MAP2K4: variants seen among roughly 807,000 people sequenced by gnomAD.
The protein encoded by MAP2K4 is mitogen-activated protein kinase kinase 4.
In MAP2K4, 4 loss-of-function variants were observed where a neutral mutation model predicts 48.5. That is an observed-to-expected ratio of 0.08 (90% CI 0.04 to 0.19). MAP2K4 has a LOEUF of 0.19. Among genes scored for constraint, MAP2K4 ranks in the 10% least tolerant of loss-of-function variants. MAP2K4 has a pLI of 1.00. For missense variants in MAP2K4, 258 were observed against 493.3 expected, an observed-to-expected ratio of 0.52 and a Z score of 4.52; for synonymous variants, 166 against 173.1, an observed-to-expected ratio of 0.96 and a Z score of 0.32.
chr17:12,040,196 A>AT (rs1381983914), intron 1 of MAP2K4, among the ~76,000 whole-genome samples: 1 of 152,034 alleles, frequency 6.6e-6, no homozygotes, highest in Non-Finnish European at 1.5e-5. Context: ...TACATTAATT[A>AT]TTTTCTTAGG....
chr17:12,050,890 A>T (rs567428051), intron 1 of MAP2K4, among the ~76,000 whole-genome samples: 1 of 152,258 alleles, frequency 6.6e-6, no homozygotes, highest in African/African-American at 2.4e-5. Context: ...TTTCTTCAGG[A>T]TTACAGTTCT....
At chr17:12,065,554 C>T (rs968520111) in intron 2 of MAP2K4, among the ~76,000 whole-genome samples, 2 of 152,076 alleles carry the variant, frequency 1.3e-5, no homozygotes, top group African/African-American at 4.8e-5. Context: ...CCCGCCTCAG[C>T]CTCCCACAGT....
At chr17:12,090,112 T>C (rs1971514842) in intron 3 of MAP2K4, among the ~76,000 whole-genome samples, 1 of 152,220 alleles carries the variant, frequency 6.6e-6, no homozygotes, top group Non-Finnish European at 1.5e-5. Context: ...GATCCTTTTT[T>C]ACTCTTGAGT....
intron 3 of MAP2K4, among the ~76,000 whole-genome samples, chr17:12,094,358 C>T (rs954699150): frequency 3.3e-5 from 5 of 152,204 alleles, no homozygotes; most frequent in African/African-American, 1.2e-4. Flanking sequence ...ATTCTCATGT[C>T]ACATGAAATA....
chr17:12,086,021 A>C lies in MAP2K4; in HGVS notation c.393+4491A>C, dbSNP rs142321660. On this transcript the variant is annotated intron_variant, in intron 3 of 10. Transcript: ENST00000353533. ...TTTAGTGTTTAAACATTGGTCTTGC[A>C]TGTTCTGAAAGCACTAGAATGATAC... Among the ~76,000 whole-genome samples, 6 of 152,310 alleles carry C rather than the reference A, an allele frequency of 3.9e-5. No homozygotes were observed. The East Asian group carries it at 1.2e-3, about 29-fold the overall frequency.
chr17:12,138,876 T>C (rs367797419), intron 9 of MAP2K4, among the ~76,000 whole-genome samples: 1 of 152,178 alleles, frequency 6.6e-6, no homozygotes, highest in Non-Finnish European at 1.5e-5. Context: ...TATTCACTTT[T>C]GTGGATCAGT....
chr17:12,057,233 G>A (rs539589495), intron 2 of MAP2K4, among the ~76,000 whole-genome samples: 1 of 152,276 alleles, frequency 6.6e-6, no homozygotes, highest in African/African-American at 2.4e-5. Flanking sequence ...AGGTGTACAA[G>A]GGGTAAATCA....
intron 2 of MAP2K4, among the ~76,000 whole-genome samples, chr17:12,066,891 G>A (rs1597431772): frequency 6.6e-6 from 1 of 152,110 alleles, no homozygotes; most frequent in Non-Finnish European, 1.5e-5. Context: ...GGGCTTCACC[G>A]TGGTCTCGAT....
intron 4 of MAP2K4, among the ~76,000 whole-genome samples, chr17:12,104,040 T>TA (rs1972029122): frequency 6.6e-6 from 1 of 152,182 alleles, no homozygotes; most frequent in African/African-American, 2.4e-5. Flanking sequence ...TCCCTGGAAA[T>TA]ACAGTTACTA....
intron 4 of MAP2K4, among the ~76,000 whole-genome samples, chr17:12,100,098 A>C (rs1324999237): frequency 6.6e-6 from 1 of 152,158 alleles, no homozygotes; most frequent in South Asian, 2.1e-4. Flanking sequence ...AACTTCCCAC[A>C]TGTAAAGTGT....
chr17:12,033,546 G>T (rs1969503904), intron 1 of MAP2K4, among the ~76,000 whole-genome samples: 1 of 151,796 alleles, frequency 6.6e-6, no homozygotes, highest in Non-Finnish European at 1.5e-5. Flanking sequence ...TTTTTAATTG[G>T]TTCATTACTG....
At chr17:12,041,260 T>C (rs1275351174) in intron 1 of MAP2K4, among the ~76,000 whole-genome samples, 1 of 152,228 alleles carries the variant, frequency 6.6e-6, no homozygotes, top group African/African-American at 2.4e-5. Context: ...AAGAAGCCAT[T>C]TGGATGGGAA....
At chr17:12,128,999 T>G in intron 8 of MAP2K4, 140 bp from the exon 9 acceptor site, 1 of 679,166 alleles carries the variant, frequency 1.5e-6, no homozygotes, top group Non-Finnish European at 2.5e-6. Flanking sequence ...ATTCTGAAGA[T>G]TCCTCCCCAA....
intron 1 of MAP2K4, among the ~76,000 whole-genome samples, chr17:12,026,145 C>T (rs1969243243): frequency 6.6e-6 from 1 of 152,198 alleles, no homozygotes; most frequent in African/African-American, 2.4e-5. Flanking sequence ...TCTCACCTCA[C>T]TTTTAGAATA....
intron 1 of MAP2K4, among the ~76,000 whole-genome samples, chr17:12,045,022 C>T (rs1969916551): frequency 6.6e-6 from 1 of 152,318 alleles, no homozygotes; most frequent in Middle Eastern, 3.4e-3. Flanking sequence ...TTTCTCAATA[C>T]CATATTTGGT....
intron 1 of MAP2K4, among the ~76,000 whole-genome samples, chr17:12,028,440 T>G (rs1304879121): frequency 6.6e-6 from 1 of 152,182 alleles, no homozygotes; most frequent in Non-Finnish European, 1.5e-5. Flanking sequence ...GAAATAAATC[T>G]TGGGGAACTT....
chr17:12,035,130 G>C (rs1201040995), intron 1 of MAP2K4, among the ~76,000 whole-genome samples: 2 of 152,198 alleles, frequency 1.3e-5, no homozygotes, highest in African/African-American at 4.8e-5. Flanking sequence ...TAAAAAATTA[G>C]AAGTGCAAAT....
chr17:12,078,293 G>A (rs1384231594), intron 2 of MAP2K4, among the ~76,000 whole-genome samples: 2 of 152,140 alleles, frequency 1.3e-5, no homozygotes, highest in Non-Finnish European at 2.9e-5. Flanking sequence ...ACCTTATGTA[G>A]TGTTCATTGG....
At chr17:12,139,034 A>G (rs1385329042) in intron 9 of MAP2K4, among the ~76,000 whole-genome samples, 1 of 152,216 alleles carries the variant, frequency 6.6e-6, no homozygotes, top group East Asian at 1.9e-4. Flanking sequence ...GAATCTACAT[A>G]GCACATTGCA....
Sources: gnomAD v4.1 joint callset for allele counts (sites outside exome capture counted in the v4.1 genomes callset) on GRCh38, gnomAD v4.1.1 for gene constraint, MANE v1.5 for transcripts, NCBI Gene and HGNC (gene_info 2026-07-23, HGNC 2026-07-21) for gene names.